The following FGF12 variants were observed in gnomAD, a reference collection of about 807,000 sequenced individuals.
FGF12 encodes the protein fibroblast growth factor 12B.
FGF12 carries 14 observed loss-of-function variants against 23.6 expected under a neutral mutation model. That is an observed-to-expected ratio of 0.59 (90% CI 0.39 to 0.93). The LOEUF is 0.93. Among genes scored for constraint, FGF12 ranks in the 40% least tolerant of loss-of-function variants. The probability of loss-of-function intolerance (pLI) is 0.00; values close to 1 mark genes in which losing one functional copy is unlikely to be tolerated. For missense variants in FGF12, 175 were observed against 217.8 expected, an observed-to-expected ratio of 0.80 and a Z score of 1.24; for synonymous variants, 62 against 77.3, an observed-to-expected ratio of 0.80 and a Z score of 1.04.
chr3:192,167,986 C>G (rs2108615113), intron 5 of FGF12, among the ~76,000 whole-genome samples: 1 of 151,342 alleles, frequency 6.6e-6, no homozygotes, highest in Non-Finnish European at 1.5e-5. Context: ...AGGCTGATCT[C>G]AAACTCCTGA....
chr3:192,484,140 G>T (rs1723561440), intron 2 of FGF12, among the ~76,000 whole-genome samples: 1 of 151,896 alleles, frequency 6.6e-6, no homozygotes, highest in Admixed American at 6.6e-5. Context: ...CTCTATTTTG[G>T]TCTTGAATCA....
At chr3:192,309,729 T>C (rs773642691) in intron 4 of FGF12, among the ~76,000 whole-genome samples, 24 of 151,900 alleles carry the variant, frequency 1.6e-4, no homozygotes, top group African/African-American at 5.6e-4. Context: ...GCATGGAAAG[T>C]TGAGATATAT....
intron 2 of FGF12, among the ~76,000 whole-genome samples, chr3:192,444,611 AG>A (rs1431477379): frequency 6.6e-6 from 1 of 152,340 alleles, no homozygotes; most frequent in African/African-American, 2.4e-5. Flanking sequence ...TAATGCTGAC[AG>A]GATCTCCCCA....
intron 4 of FGF12, among the ~76,000 whole-genome samples, chr3:192,251,975 G>A (rs1420787228): frequency 6.6e-6 from 1 of 152,020 alleles, no homozygotes; most frequent in African/African-American, 2.4e-5. Context: ...CAAGAAACAC[G>A]TATCGTTATT....
chr3:192,312,581 C>A (rs1249165302), intron 4 of FGF12, among the ~76,000 whole-genome samples: 1 of 151,914 alleles, frequency 6.6e-6, no homozygotes, highest in African/African-American at 2.4e-5. Context: ...ACATCTTATT[C>A]TTGGATTATA....
intron 2 of FGF12, among the ~76,000 whole-genome samples, chr3:192,637,267 C>A (rs910559998): frequency 6.6e-6 from 1 of 152,186 alleles, no homozygotes; most frequent in African/African-American, 2.4e-5. Context: ...TCTCCTCTGG[C>A]CACCGACGTG....
intron 4 of FGF12, among the ~76,000 whole-genome samples, chr3:192,210,676 C>T (rs78120769): frequency 0.014 from 2,107 of 152,172 alleles, 41 homozygotes; most frequent in East Asian, 0.051. Context: ...TTCTACATAT[C>T]GGATATAGCA....
intron 3 of FGF12, among the ~76,000 whole-genome samples, chr3:192,358,334 AC>A (rs1339891304): frequency 6.6e-6 from 1 of 151,520 alleles, no homozygotes; most frequent in Non-Finnish European, 1.5e-5. Flanking sequence ...TATTTTGTAC[AC>A]CTAAATGATT....
chr3:192,550,987 T>C (rs1178065106), intron 2 of FGF12, among the ~76,000 whole-genome samples: 2 of 152,180 alleles, frequency 1.3e-5, no homozygotes, highest in Non-Finnish European at 2.9e-5. Context: ...TAGGAATAGA[T>C]TGTGTATGCA....
intron 4 of FGF12, among the ~76,000 whole-genome samples, chr3:192,302,395 G>A (rs371646561): frequency 2.0e-5 from 3 of 152,192 alleles, no homozygotes; most frequent in African/African-American, 7.2e-5. Context: ...AGATTTTGTT[G>A]TTGGGGTGGG....
At chr3:192,230,281 A>G (rs1016629081) in intron 4 of FGF12, among the ~76,000 whole-genome samples, 3 of 152,166 alleles carry the variant, frequency 2.0e-5, no homozygotes, top group Admixed American at 2.0e-4. Flanking sequence ...ATCCATGGGC[A>G]CTTATTTAGA....
intron 4 of FGF12, chr3:192,266,949 A>G (rs1713116188): frequency 6.6e-6 from 1 of 152,142 alleles, no homozygotes; most frequent in Admixed American, 6.6e-5. Flanking sequence ...AAGCAATAAA[A>G]ACCTGAATTA....
chr3:192,541,578 C>G (rs1229525122), intron 2 of FGF12, among the ~76,000 whole-genome samples: 1 of 151,992 alleles, frequency 6.6e-6, no homozygotes. Flanking sequence ...ATTATGGTGT[C>G]AAAATATAGT....
chr3:192,405,683 G>T (rs1220698425), intron 2 of FGF12, among the ~76,000 whole-genome samples: 4 of 152,140 alleles, frequency 2.6e-5, no homozygotes, highest in Admixed American at 6.5e-5. Flanking sequence ...TTGGTGTTTA[G>T]CAACTTCCTC....
At chr3:192,695,070 G>A (rs984527824) in intron 2 of FGF12, among the ~76,000 whole-genome samples, 2 of 152,068 alleles carry the variant, frequency 1.3e-5, no homozygotes, top group Non-Finnish European at 2.9e-5. Flanking sequence ...TGTGTCAACT[G>A]GCTTGACAGT....
At chr3:192,720,525 T>C (rs1719004500) in intron 2 of FGF12, among the ~76,000 whole-genome samples, 1 of 152,210 alleles carries the variant, frequency 6.6e-6, no homozygotes, top group Non-Finnish European at 1.5e-5. Context: ...AATCCTACCG[T>C]GCTCTGCATG....
At chr3:192,440,610 T>C (rs1722175495) in intron 2 of FGF12, among the ~76,000 whole-genome samples, 1 of 152,212 alleles carries the variant, frequency 6.6e-6, no homozygotes, top group African/African-American at 2.4e-5. Context: ...CCTCCGCTTT[T>C]TCCTAGCTAC....
At chr3:192,410,485 G>A (rs1721165349) in intron 2 of FGF12, among the ~76,000 whole-genome samples, 1 of 152,140 alleles carries the variant, frequency 6.6e-6, no homozygotes, top group Non-Finnish European at 1.5e-5. Flanking sequence ...TGGGATGGGG[G>A]AGCTGAGAAA....
intron 2 of FGF12, among the ~76,000 whole-genome samples, chr3:192,483,828 C>A (rs1577011143): frequency 6.6e-6 from 1 of 152,172 alleles, no homozygotes; most frequent in South Asian, 2.1e-4. Flanking sequence ...AGAGAAGTAA[C>A]CCATCTAACA....
Sources: allele counts gnomAD v4.1 joint callset (sites outside exome capture counted in the v4.1 genomes callset), GRCh38; gene constraint gnomAD v4.1.1; transcripts MANE v1.5; gene names NCBI Gene and HGNC (gene_info 2026-07-23, HGNC 2026-07-21).